Variants in AFF3 observed in about 807,000 individuals in gnomAD.
AFF3 encodes AF4/FMR2 family member 3.
Under a neutral mutation model 129.7 loss-of-function variants are expected in AFF3, and 32 were observed. The ratio of observed to expected loss-of-function variants is 0.25; its 90% CI spans 0.19 to 0.33. The LOEUF (loss-of-function observed/expected upper bound fraction) is 0.33. Among genes scored for constraint, AFF3 ranks in the 10% least tolerant of loss-of-function variants. The probability of loss-of-function intolerance (pLI) is 1.00; values close to 1 mark genes in which losing one functional copy is unlikely to be tolerated. For missense variants in AFF3, 1,373 were observed against 1,592.0 expected, an observed-to-expected ratio of 0.86 and a Z score of 2.34; for synonymous variants, 644 against 635.4, an observed-to-expected ratio of 1.01 and a Z score of -0.20.
intron 12 of AFF3, among the ~76,000 whole-genome samples, chr2:99,668,329 G>A (rs1012573698): frequency 1.3e-5 from 2 of 151,794 alleles, no homozygotes; most frequent in African/African-American, 4.8e-5. Flanking sequence ...ACACCACTAT[G>A]CCCAACTAAT....
chr2:100,127,491 T>C (rs1000077592), intron 2 of AFF3, among the ~76,000 whole-genome samples: 1 of 152,196 alleles, frequency 6.6e-6, no homozygotes, highest in African/African-American at 2.4e-5. Flanking sequence ...GGTCTTCTGG[T>C]TCCTTGCGGT....
chr2:100,105,974 C>T, intron 2 of AFF3: 1 of 1,326,818 alleles, frequency 7.5e-7, no homozygotes, highest in Non-Finnish European at 1.0e-6. Context: ...GAAATGTAAA[C>T]CCTGGGTGCA....
intron 7 of AFF3, among the ~76,000 whole-genome samples, chr2:99,892,031 C>A (rs1409903453): frequency 6.6e-6 from 1 of 152,106 alleles, no homozygotes; most frequent in Non-Finnish European, 1.5e-5. Context: ...ACCGTATTAG[C>A]CAGGATGGTC....
chr2:99,893,736 T>C (rs908325996), intron 7 of AFF3, among the ~76,000 whole-genome samples: 1 of 152,200 alleles, frequency 6.6e-6, no homozygotes, highest in Non-Finnish European at 1.5e-5. Flanking sequence ...GAACATCAAC[T>C]AACACTATTT....
chr2:99,753,558 C>G (rs996898916), intron 8 of AFF3, among the ~76,000 whole-genome samples: 9 of 152,142 alleles, frequency 5.9e-5, no homozygotes, highest in Admixed American at 5.2e-4. Context: ...TTCTGTCAGG[C>G]TTTTGGAAGG....
rs149521769 is a variant in AFF3, at chr2:99,953,371, A to G, written c.873+53261T>C. Among the ~76,000 whole-genome samples, 263 of 152,320 alleles carry G rather than the reference A, an allele frequency of 1.7e-3. 1 individual carries two copies. Among genetic ancestry groups the G allele is most frequent in the Non-Finnish European group, 2.7e-3 (185 of 68,024 alleles). On this transcript the variant is annotated intron_variant, in intron 7 of 24. Coordinates refer to ENST00000672756, the MANE Select transcript of AFF3 (RefSeq NM_001386135.1). ...GGAATGAGTATGGCATACAAGACAC[A>G]TTTGAGAAAGCGTCTAGGACAGACT... is the stretch of plus-strand genomic sequence containing the variant.
chr2:99,773,539 G>C (rs1683659600), intron 8 of AFF3, among the ~76,000 whole-genome samples: 2 of 151,950 alleles, frequency 1.3e-5, no homozygotes, highest in South Asian at 2.1e-4. Flanking sequence ...TTGAGGTGGT[G>C]GGGGTGGAGG....
Position 99,970,857 on chromosome 2 carries a change from C to T in AFF3, c.873+35775G>A, listed in dbSNP as rs563604367. On this transcript the variant is annotated intron_variant, in intron 7 of 24. Coordinates refer to ENST00000672756, the MANE Select transcript of AFF3 (RefSeq NM_001386135.1). ...ACGCACCTTTGCTCTACCTCCCGGG[C>T]TTCCTCAGCACTCACTGCTTGAGAT... is the stretch of plus-strand genomic sequence containing the variant. Among the ~76,000 whole-genome samples, 4 of 152,350 alleles carry T rather than the reference C, an allele frequency of 2.6e-5. No individual in the cohort carries two copies. The East Asian group carries it at 7.7e-4, about 29-fold the overall frequency.
intron 1 of AFF3, among the ~76,000 whole-genome samples, chr2:100,138,660 T>C (rs1354673276): frequency 1.3e-5 from 2 of 152,136 alleles, no homozygotes; most frequent in African/African-American, 4.8e-5. Context: ...AAGATACCAG[T>C]AGGCCGGGTG....
At chr2:99,657,102 A>G (rs574269076) in intron 12 of AFF3, among the ~76,000 whole-genome samples, 1 of 152,310 alleles carries the variant, frequency 6.6e-6, no homozygotes, top group South Asian at 2.1e-4. Context: ...CTGTTAAATA[A>G]GATCATGATA....
intron 2 of AFF3, among the ~76,000 whole-genome samples, chr2:100,114,429 T>G (rs1461993589): frequency 6.6e-6 from 1 of 152,118 alleles, no homozygotes; most frequent in Non-Finnish European, 1.5e-5. Context: ...CCACCCAGGC[T>G]AGAGTGCAGT....
At chr2:100,028,436 C>A (rs1277090371) in intron 4 of AFF3, among the ~76,000 whole-genome samples, 1 of 151,906 alleles carries the variant, frequency 6.6e-6, no homozygotes, top group Non-Finnish European at 1.5e-5. Flanking sequence ...CATTATGTAG[C>A]TATTAATACT....
At chr2:99,588,008 C>CAAAA (rs34481706) in intron 15 of AFF3, among the ~76,000 whole-genome samples, 1 of 106,924 alleles carries the variant, frequency 9.4e-6, no homozygotes, top group Non-Finnish European at 1.9e-5. Flanking sequence ...GACTCCGTCT[C>CAAAA]AAAAAAAAAA....
chr2:99,652,733 G>C (rs1426894368), intron 12 of AFF3, among the ~76,000 whole-genome samples: 1 of 152,154 alleles, frequency 6.6e-6, no homozygotes, highest in Non-Finnish European at 1.5e-5. Context: ...TCTCTGAATA[G>C]GGTGCTGAAA....
At chr2:99,817,470 C>CT (rs1247757922) in intron 8 of AFF3, among the ~76,000 whole-genome samples, 1 of 152,166 alleles carries the variant, frequency 6.6e-6, no homozygotes, top group East Asian at 1.9e-4. Context: ...GTTTCTTTGG[C>CT]TTTTTTTCCT....
rs369590949 is a variant in AFF3, at chr2:99,988,254, T to G, written c.873+18378A>C. ...AGTAGAAAAGCCTTCTTGGAGGCAA[T>G]GATAAAGAAGATTTAGTGCCAGCTT... On this transcript the variant is annotated intron_variant, in intron 7 of 24. Coordinates refer to ENST00000672756, the MANE Select transcript of AFF3 (RefSeq NM_001386135.1). Among the ~76,000 whole-genome samples the G allele has an allele frequency of 4.1e-4, 63 of 152,184 alleles. No homozygotes were observed. The South Asian group carries it at 0.012, about 30-fold the overall frequency.
In AFF3 at chr2:100,079,830, C is replaced by T. The variant is rs115978271; in HGVS notation, c.53+24572G>A. ...TCTGATGCCGCAGATGTTATATCTG[C>T]GTTCTGGGTCAATAGACTCACCACA... On this transcript the variant is annotated intron_variant, in intron 4 of 24. Transcript: ENST00000672756. 2.9e-3 allele frequency among the ~76,000 whole-genome samples: 448 copies of T among 152,232 alleles called. 4 individuals carry two copies. Among genetic ancestry groups the T allele is most frequent in the Non-Finnish European group, 5.1e-3 (344 of 68,016 alleles).
At chr2:99,574,361 T>C (rs1377143749) in intron 18 of AFF3, among the ~76,000 whole-genome samples, 1 of 152,238 alleles carries the variant, frequency 6.6e-6, no homozygotes, top group African/African-American at 2.4e-5. Context: ...ATAAATGTTA[T>C]TCTTCTCAGT....
chr2:99,979,235 C>T lies in AFF3; in HGVS notation c.873+27397G>A, dbSNP rs1679173241. ...GTTTACAGCAAAGATTTATACTGAA[C>T]TCCACTGCTTTTTTTCCCAAGGGAA... On this transcript the variant is annotated intron_variant, in intron 7 of 24. Coordinates refer to ENST00000672756, the MANE Select transcript of AFF3 (RefSeq NM_001386135.1). Among the ~76,000 whole-genome samples, 3 of 152,054 alleles carry T rather than the reference C, an allele frequency of 2.0e-5. No homozygotes were observed. In the South Asian group the frequency reaches 6.2e-4, roughly 32 times the overall value.
Sources: allele counts gnomAD v4.1 joint callset (sites outside exome capture counted in the v4.1 genomes callset), GRCh38; gene constraint gnomAD v4.1.1; transcripts MANE v1.5; gene names NCBI Gene and HGNC (gene_info 2026-07-23, HGNC 2026-07-21).